PGAP3: variants seen among roughly 807,000 people sequenced by gnomAD.
The protein encoded by PGAP3 is post-GPI attachment to proteins phospholipase 3.
A neutral mutation model predicts 40.3 loss-of-function variants in PGAP3; 31 were observed. The ratio of observed to expected loss-of-function variants is 0.77; its 90% confidence interval spans 0.58 to 1.04. The LOEUF is 1.04. Ranked by LOEUF, PGAP3 falls within the 50% of genes least tolerant of loss-of-function variation. The pLI is 0.00. For synonymous variants in PGAP3, 191 were observed against 184.5 expected, an observed-to-expected ratio of 1.04 and a Z score of -0.29; for missense variants, 413 against 423.0, an observed-to-expected ratio of 0.98 and a Z score of 0.21.
chr17:39,678,739 C>A (rs1316874882), intron 3 of PGAP3, among the ~76,000 whole-genome samples: 3 of 152,112 alleles, frequency 2.0e-5, no homozygotes, highest in South Asian at 2.1e-4. Context: ...CTCCCTCCTG[C>A]AGAAACTCAC....
At chr17:39,683,211 T>C (rs2057465183) in intron 3 of PGAP3, among the ~76,000 whole-genome samples, 2 of 152,228 alleles carry the variant, frequency 1.3e-5, no homozygotes, top group Non-Finnish European at 2.9e-5. Context: ...ACCCACTCTC[T>C]GATTTCCTGC....
chr17:39,678,408 C>T (rs2057401011), intron 3 of PGAP3, among the ~76,000 whole-genome samples: 1 of 152,204 alleles, frequency 6.6e-6, no homozygotes, highest in Non-Finnish European at 1.5e-5. Context: ...GGCCCCTACT[C>T]CGTGAAGTCA....
At chr17:39,672,938 A>G in intron 7 of PGAP3, 72 bp from the exon 8 acceptor site, 1 of 1,589,548 alleles carries the variant, frequency 6.3e-7, no homozygotes, top group Non-Finnish European at 8.6e-7. Context: ...GGTGGGGTGC[A>G]TGCAGGCAAG....
intron 1 of PGAP3, 131 bp from the exon 2 acceptor site, chr17:39,686,150 T>G: frequency 1.4e-6 from 1 of 706,980 alleles, no homozygotes; most frequent in South Asian, 1.7e-5. Flanking sequence ...AATCTCAAAA[T>G]TCTAGCTTCC....
chr17:39,687,742 A>C, intron 1 of PGAP3, 92 bp downstream of exon 1: 5 of 1,023,284 alleles, frequency 4.9e-6, no homozygotes, highest in Non-Finnish European at 6.5e-6. Flanking sequence ...CTCGTGGGGA[A>C]ACTAAGGTTC....
At chr17:39,675,584 G>A (rs1482276881) in intron 3 of PGAP3, among the ~76,000 whole-genome samples, 5 of 152,018 alleles carry the variant, frequency 3.3e-5, no homozygotes, top group South Asian at 2.1e-4. Flanking sequence ...CAGGCCTGGC[G>A]GAGATGAGGA....
At position 39,673,982 on chromosome 17, in the gene PGAP3, G is replaced by A. The variant is rs1415367771; in HGVS notation, c.557+11C>T. 6.2e-7 allele frequency: 1 copy of A among 1,613,880 alleles called. No homozygotes were observed. The highest frequency in any genetic ancestry group is 8.5e-7 in the Non-Finnish European group (1 of 1,179,782). On this transcript the variant is annotated intron_variant, in intron 5 of 7. Transcript: ENST00000300658. The stretch of plus-strand genomic sequence containing the variant: ...TCGATTTTGCCCCTGCAGCCACCCA[G>A]GCAGGCTCACCTGACGCAGCACAGG...
chr17:39,677,590 G>A (rs2057390130), intron 3 of PGAP3, among the ~76,000 whole-genome samples: 1 of 152,118 alleles, frequency 6.6e-6, no homozygotes, highest in African/African-American at 2.4e-5. Context: ...CGGACTCCTT[G>A]CCACGCTCAA....
In PGAP3 at chr17:39,671,982, C is replaced by G. The variant is rs1161284086; in HGVS notation, c.*821G>C. ...CCCTAACCCACGCTAACACACCCAC[C>G]CCCTGCACACACACACTTTGAAGCC... On this transcript the variant is annotated 3_prime_UTR_variant, in exon 8 of 8. Transcript: ENST00000300658. The G allele has an allele frequency of 2.0e-5, 3 of 153,074 alleles. No individual in the cohort carries two copies. The highest frequency in any genetic ancestry group is 7.2e-5 in the African/African-American group (3 of 41,454). The allele number at this position is 153,074 out of a possible 1,614,324, so 9.5% of individuals were successfully genotyped here. A position where few individuals can be genotyped will look rare whatever the true frequency, so the allele number is the denominator to read the frequency against.
intron 4 of PGAP3, 58 bp from the exon 5 acceptor site, chr17:39,674,112 G>A (rs999779839): frequency 8.7e-5 from 134 of 1,548,194 alleles, no homozygotes; most frequent in East Asian, 6.7e-5. Flanking sequence ...GAGGACCCGC[G>A]GGGATGGGGG....
intron 1 of PGAP3, among the ~76,000 whole-genome samples, chr17:39,686,525 G>A (rs947981354): frequency 6.6e-6 from 1 of 150,682 alleles, no homozygotes; most frequent in East Asian, 1.9e-4. Flanking sequence ...TAAAGTGCGG[G>A]GATTGCAGGC....
At chr17:39,677,843 G>C (rs141378339) in intron 3 of PGAP3, among the ~76,000 whole-genome samples, 69 of 152,370 alleles carry the variant, frequency 4.5e-4, no homozygotes, top group African/African-American at 1.4e-3. Flanking sequence ...GATCTGTCAG[G>C]AATTCGACCC....
intron 5 of PGAP3, 101 bp downstream of exon 5, chr17:39,673,892 T>C: frequency 1.4e-6 from 2 of 1,399,710 alleles, no homozygotes; most frequent in South Asian, 2.4e-5. Flanking sequence ...GGGGCGTAGG[T>C]GTTGGGAGAC....
chr17:39,687,756 G>A (rs981774047), intron 1 of PGAP3, 78 bp downstream of exon 1: 1 of 1,141,456 alleles, frequency 8.8e-7, no homozygotes, highest in Non-Finnish European at 1.1e-6. Context: ...AAGGTTCAGG[G>A]ATTGCAGAGG....
In PGAP3 at chr17:39,674,782, A is replaced by T. The variant is rs1565922; in HGVS notation, c.433-103T>A. 7.8e-6 allele frequency: 9 copies of T among 1,160,362 alleles called. No homozygotes were observed. The African/African-American group carries it at 9.3e-5, about 12-fold the overall frequency. 71.9% of individuals were successfully genotyped at this position (1,160,362 alleles called of 1,614,324 possible). ...TTTCACCTTTGGGAAGGGGCTCTGC[A>T]GGACAAGAAATGTGCTTTTCCTGCC... On this transcript the variant is annotated intron_variant, in intron 3 of 7. Coordinates refer to ENST00000300658, the MANE Select transcript of PGAP3 (RefSeq NM_033419.5).
At position 39,673,502 on chromosome 17, in the gene PGAP3, C is replaced by G. The variant is rs2057336302; in HGVS notation, c.694+12G>C. ...CACTTCTGCAGATGGCCCAAGCCCC[C>G]CAGGGCCTCACCAATAGCCACGTTG... On this transcript the variant is annotated intron_variant, in intron 6 of 7. Coordinates refer to ENST00000300658, the MANE Select transcript of PGAP3 (RefSeq NM_033419.5). The G allele has an allele frequency of 2.5e-6, 4 of 1,614,102 alleles. No homozygotes were observed. The highest frequency in any genetic ancestry group is 2.5e-6 in the Non-Finnish European group (3 of 1,179,998).
intron 3 of PGAP3, among the ~76,000 whole-genome samples, chr17:39,677,448 C>T (rs2051539978): frequency 1.3e-5 from 2 of 152,178 alleles, no homozygotes; most frequent in African/African-American, 4.8e-5. Flanking sequence ...TCCTCTGGAG[C>T]CATGTTCCCA....
intron 5 of PGAP3, 86 bp downstream of exon 5, chr17:39,673,907 G>A (rs2057342567): frequency 3.2e-5 from 48 of 1,482,986 alleles, no homozygotes; most frequent in Middle Eastern, 1.7e-4. Context: ...GGAGACTAGT[G>A]AAGAAGGCCC....
At chr17:39,685,784 T>C (rs967779719) in intron 2 of PGAP3, 138 bp downstream of exon 2, 7 of 685,124 alleles carry the variant, frequency 1.0e-5, no homozygotes, top group Non-Finnish European at 1.7e-5. Flanking sequence ...CCAGCAGATT[T>C]TGGGGAGAAC....
Sources: gnomAD v4.1 joint callset for allele counts (sites outside exome capture counted in the v4.1 genomes callset) on GRCh38, gnomAD v4.1.1 for gene constraint, MANE v1.5 for transcripts, NCBI Gene and HGNC (gene_info 2026-07-23, HGNC 2026-07-21) for gene names.